The following FSHR variants were observed in gnomAD, a reference collection of about 807,000 sequenced individuals.
FSHR encodes follicle stimulating hormone receptor, also known as follicle-stimulating hormone receptor.
FSHR carries 46 observed loss-of-function variants against 52.1 expected under a neutral mutation model. The observed-to-expected ratio is 0.88, with a 90% CI of 0.70 to 1.13. FSHR has a LOEUF of 1.13. Among genes scored for constraint, FSHR ranks in the 50% most tolerant of loss-of-function variants. The pLI, the probability that FSHR is intolerant of heterozygous loss-of-function variation, is 0.00. For synonymous variants in FSHR, 399 were observed against 309.6 expected, an observed-to-expected ratio of 1.29 and a Z score of -3.03; for missense variants, 964 against 834.6, an observed-to-expected ratio of 1.16 and a Z score of -1.91.
intron 1 of FSHR, among the ~76,000 whole-genome samples, chr2:49,069,732 T>G (rs1294724977): frequency 6.6e-6 from 1 of 152,148 alleles, no homozygotes; most frequent in Admixed American, 6.6e-5. Flanking sequence ...TTGAAAATGT[T>G]TATAATAAGA....
chr2:49,014,863 C>G (rs1397783390), intron 4 of FSHR: 1 of 467,232 alleles, frequency 2.1e-6, no homozygotes, highest in African/African-American at 2.0e-5. Context: ...TCTTCATGTC[C>G]TAGAGAGCAT....
At chr2:49,120,986 G>C (rs1239323642) in intron 1 of FSHR, among the ~76,000 whole-genome samples, 1 of 152,178 alleles carries the variant, frequency 6.6e-6, no homozygotes, top group African/African-American at 2.4e-5. Flanking sequence ...TAAATTATCA[G>C]GAATTAGAAG....
rs553127856 is a variant in FSHR, at chr2:49,144,530, G to A, written c.152+9736C>T. On this transcript the variant is annotated intron_variant, in intron 1 of 9. Coordinates refer to ENST00000406846, the MANE Select transcript of FSHR (RefSeq NM_000145.4). The stretch of plus-strand genomic sequence containing the variant: ...TTTTGCTACTGTTTGCAGGATTCCA[G>A]ATGACCTCTTTGCTGTTCATCATAA... Among the ~76,000 whole-genome samples the A allele has an allele frequency of 1.3e-5, 2 of 152,300 alleles. 1 individual carries two copies. Among genetic ancestry groups the A allele is most frequent in the African/African-American group, 4.8e-5 (2 of 41,564 alleles).
intron 1 of FSHR, among the ~76,000 whole-genome samples, chr2:49,122,741 C>A (rs1671862382): frequency 6.6e-6 from 1 of 152,184 alleles, no homozygotes; most frequent in Non-Finnish European, 1.5e-5. Flanking sequence ...TTCTCTGCCT[C>A]ACTTTTAAAG....
chr2:49,082,419 A>T (rs1406260539), intron 1 of FSHR, among the ~76,000 whole-genome samples: 1 of 152,224 alleles, frequency 6.6e-6, no homozygotes, highest in Non-Finnish European at 1.5e-5. Context: ...AAAAACTGGA[A>T]ACTCTAAAAA....
rs557311672 is a variant in FSHR, at chr2:49,002,624, G to T, written c.375-11987C>A. ...CCATCAGATATTGTGAGAACTCGCT[G>T]ATTGTCAGAAGAACAGCATGGGGGT... On this transcript the variant is annotated intron_variant, in intron 4 of 9. Coordinates refer to ENST00000406846, the MANE Select transcript of FSHR (RefSeq NM_000145.4). 4.6e-5 allele frequency among the ~76,000 whole-genome samples: 7 copies of T among 152,198 alleles called. No individual in the cohort carries two copies. The South Asian group carries it at 1.5e-3, about 32-fold the overall frequency.
chr2:49,000,196 C>T (rs1676194813), intron 4 of FSHR, among the ~76,000 whole-genome samples: 1 of 152,072 alleles, frequency 6.6e-6, no homozygotes, highest in Non-Finnish European at 1.5e-5. Flanking sequence ...GGAGGTAAAG[C>T]AAGGGACTCT....
intron 1 of FSHR, among the ~76,000 whole-genome samples, chr2:49,128,935 G>A (rs542252510): frequency 1.3e-5 from 2 of 151,934 alleles, no homozygotes; most frequent in South Asian, 4.2e-4. Flanking sequence ...AGAAATTTTA[G>A]ACCAGAAAAT....
chr2:49,149,936 C>T (rs904664472), intron 1 of FSHR, among the ~76,000 whole-genome samples: 1 of 151,936 alleles, frequency 6.6e-6, no homozygotes, highest in Non-Finnish European at 1.5e-5. Context: ...CAAGAATGAC[C>T]ATCAATAGAC....
At chr2:49,054,656 T>G (rs1393703663) in intron 2 of FSHR, among the ~76,000 whole-genome samples, 2 of 152,162 alleles carry the variant, frequency 1.3e-5, no homozygotes, top group Admixed American at 6.5e-5. Flanking sequence ...ACGCACTGTG[T>G]GCACACATGT....
At chr2:49,019,791 C>G (rs1422428344) in intron 3 of FSHR, among the ~76,000 whole-genome samples, 1 of 152,176 alleles carries the variant, frequency 6.6e-6, no homozygotes, top group Non-Finnish European at 1.5e-5. Flanking sequence ...TGGAATAACT[C>G]TGAATGGAAG....
At chr2:49,108,667 A>G (rs1299843689) in intron 1 of FSHR, among the ~76,000 whole-genome samples, 7 of 152,194 alleles carry the variant, frequency 4.6e-5, no homozygotes, top group Non-Finnish European at 5.9e-5. Context: ...AGAACAAGGC[A>G]TGTTTGTAAA....
intron 6 of FSHR, among the ~76,000 whole-genome samples, chr2:48,987,453 G>A (rs1045366657): frequency 1.3e-4 from 19 of 151,638 alleles, no homozygotes; most frequent in Admixed American, 1.2e-3. Context: ...CTCGTGATCT[G>A]CCTGCCTCTG....
At chr2:49,130,043 G>A (rs940592906) in intron 1 of FSHR, among the ~76,000 whole-genome samples, 1 of 152,104 alleles carries the variant, frequency 6.6e-6, no homozygotes. Context: ...GGACTGTGAC[G>A]TCTTTAAATG....
chr2:49,051,817 T>A (rs1025763768), intron 2 of FSHR, among the ~76,000 whole-genome samples: 1 of 152,160 alleles, frequency 6.6e-6, no homozygotes, highest in Non-Finnish European at 1.5e-5. Context: ...GTTTTAAAAT[T>A]TTAGTTTTTG....
chr2:49,083,280 C>T (rs1393931340), intron 1 of FSHR, among the ~76,000 whole-genome samples: 2 of 147,634 alleles, frequency 1.4e-5, no homozygotes, highest in Non-Finnish European at 3.0e-5. Context: ...AAATACTTTA[C>T]AGACAAGCAA....
chr2:48,998,831 C>T (rs543576375), intron 4 of FSHR, among the ~76,000 whole-genome samples: 2 of 151,684 alleles, frequency 1.3e-5, no homozygotes, highest in African/African-American at 4.8e-5. Flanking sequence ...TTAGTGAGAG[C>T]AAAACAGGAT....
At chr2:49,006,006 G>C (rs1324236450) in intron 4 of FSHR, among the ~76,000 whole-genome samples, 1 of 152,074 alleles carries the variant, frequency 6.6e-6, no homozygotes, top group African/African-American at 2.4e-5. Flanking sequence ...GATTAGACTG[G>C]CTTAGCCTCT....
chr2:49,011,576 G>C (rs1340283686), intron 4 of FSHR, among the ~76,000 whole-genome samples: 1 of 151,908 alleles, frequency 6.6e-6, no homozygotes, highest in East Asian at 1.9e-4. Context: ...TCAATTCCTG[G>C]GTATCCTTGA....
Sources: allele counts gnomAD v4.1 joint callset (sites outside exome capture counted in the v4.1 genomes callset), GRCh38; gene constraint gnomAD v4.1.1; transcripts MANE v1.5; gene names NCBI Gene and HGNC (gene_info 2026-07-23, HGNC 2026-07-21).